PTPRN2: variants seen among roughly 807,000 people sequenced by gnomAD.
PTPRN2 encodes the protein receptor-type tyrosine-protein phosphatase N2.
PTPRN2 carries 74 observed loss-of-function variants against 118.8 expected under a neutral mutation model. That is an observed-to-expected ratio of 0.62 (90% CI 0.52 to 0.76). The LOEUF is 0.76. PTPRN2 is among the 30% of genes least tolerant of loss of function. PTPRN2 has a pLI of 0.00. For synonymous variants in PTPRN2, 641 were observed against 608.0 expected, an observed-to-expected ratio of 1.05 and a Z score of -0.80; for missense variants, 1,481 against 1,394.4, an observed-to-expected ratio of 1.06 and a Z score of -0.99.
intron 2 of PTPRN2, among the ~76,000 whole-genome samples, chr7:158,405,046 C>A (rs1277275028): frequency 1.0e-4 from 15 of 148,748 alleles, no homozygotes; most frequent in African/African-American, 3.7e-4. Context: ...GCCCCCAGCT[C>A]CCCGGCCCCC....
intron 14 of PTPRN2, among the ~76,000 whole-genome samples, chr7:157,633,526 A>T (rs1455650558): frequency 1.3e-5 from 2 of 152,232 alleles, no homozygotes; most frequent in African/African-American, 4.8e-5. Flanking sequence ...AACAGTGAGT[A>T]GTAAGAAGAT....
chr7:158,395,585 C>CAGGGGTG (rs1486078210), intron 2 of PTPRN2, among the ~76,000 whole-genome samples: 2 of 7,128 alleles, frequency 2.8e-4, no homozygotes, highest in Non-Finnish European at 5.9e-4. Context: ...CGCGAGGGGC[C>CAGGGGTG]AGGGGTGAGG....
intron 14 of PTPRN2, among the ~76,000 whole-genome samples, chr7:157,642,298 GC>G (rs1266580037): frequency 9.9e-5 from 15 of 152,208 alleles, no homozygotes; most frequent in Non-Finnish European, 2.9e-5. Flanking sequence ...GGTAAGCAGA[GC>G]CCACCTGACG....
intron 11 of PTPRN2, among the ~76,000 whole-genome samples, chr7:158,046,449 C>A (rs972479860): frequency 6.7e-6 from 1 of 150,348 alleles, no homozygotes; most frequent in Non-Finnish European, 1.5e-5. Context: ...CCTGACGCTG[C>A]GATCCTGGCA....
intron 11 of PTPRN2, among the ~76,000 whole-genome samples, chr7:158,077,664 G>A (rs536285255): frequency 2.6e-5 from 4 of 152,240 alleles, no homozygotes; most frequent in African/African-American, 4.8e-5. Flanking sequence ...GGAAACGGCC[G>A]AGCATGGGAG....
intron 12 of PTPRN2, chr7:157,863,744 G>C (rs1810415251): frequency 6.6e-6 from 1 of 152,116 alleles, no homozygotes; most frequent in Non-Finnish European, 1.5e-5. Context: ...TGGCGACCCT[G>C]ACCCAGCAGG....
chr7:158,232,097 G>A (rs934749282), intron 3 of PTPRN2, among the ~76,000 whole-genome samples: 1 of 151,762 alleles, frequency 6.6e-6, no homozygotes, highest in East Asian at 1.9e-4. Flanking sequence ...TGAGTAGAAG[G>A]AAAGAAATAA....
At chr7:158,586,275 C>T (rs980354683) in intron 1 of PTPRN2, among the ~76,000 whole-genome samples, 4 of 152,250 alleles carry the variant, frequency 2.6e-5, no homozygotes, top group Non-Finnish European at 5.9e-5. Context: ...GGAGCGTCAA[C>T]TCAGGAGTCC....
At chr7:157,722,770 C>T (rs1043317176) in intron 12 of PTPRN2, among the ~76,000 whole-genome samples, 6 of 151,884 alleles carry the variant, frequency 4.0e-5, no homozygotes, top group East Asian at 1.9e-4. Flanking sequence ...GCAGCAGGGG[C>T]CCAGTCTGTC....
At chr7:157,565,399 C>T (rs1799434326) in intron 21 of PTPRN2, among the ~76,000 whole-genome samples, 1 of 152,240 alleles carries the variant, frequency 6.6e-6, no homozygotes, top group Non-Finnish European at 1.5e-5. Context: ...ATGAGTCACC[C>T]CAGACTCACT....
At chr7:158,553,178 C>T (rs989122839) in intron 1 of PTPRN2, among the ~76,000 whole-genome samples, 2 of 151,232 alleles carry the variant, frequency 1.3e-5, no homozygotes, top group African/African-American at 4.9e-5. Flanking sequence ...TACACACATA[C>T]AGGCTTGGGA....
chr7:157,747,347 G>C (rs13241075), intron 12 of PTPRN2, among the ~76,000 whole-genome samples: 406 of 84,484 alleles, frequency 4.8e-3, no homozygotes, highest in African/African-American at 0.016. Context: ...GAGCTGTGGG[G>C]TGTCCGGGTG....
At chr7:157,654,328 G>A (rs868624797) in intron 14 of PTPRN2, among the ~76,000 whole-genome samples, 1 of 145,322 alleles carries the variant, frequency 6.9e-6, no homozygotes, top group Non-Finnish European at 1.5e-5. Context: ...CACTGTGCCC[G>A]CCGCTCCCCA....
At chr7:158,192,184 C>A in intron 5 of PTPRN2, 143 bp downstream of exon 5, 1 of 1,008,570 alleles carries the variant, frequency 9.9e-7, no homozygotes, top group Non-Finnish European at 1.3e-6. Context: ...CCCAGGAACA[C>A]CGAAGCCCTG....
chr7:157,766,170 C>G (rs1802469133), intron 12 of PTPRN2, among the ~76,000 whole-genome samples: 1 of 148,994 alleles, frequency 6.7e-6, no homozygotes, highest in Non-Finnish European at 1.5e-5. Flanking sequence ...TCCACCATCC[C>G]CCATCTGTCC....
intron 3 of PTPRN2, among the ~76,000 whole-genome samples, chr7:158,244,814 GTGTA>G (rs1410605203): frequency 7.1e-6 from 1 of 141,426 alleles, no homozygotes; most frequent in African/African-American, 2.7e-5. Flanking sequence ...GTGTGAGAGT[GTGTA>G]TGAGTGTGAG....
At chr7:157,685,111 C>G (rs555590765) in intron 12 of PTPRN2, among the ~76,000 whole-genome samples, 113 of 152,060 alleles carry the variant, frequency 7.4e-4, no homozygotes, top group Non-Finnish European at 1.3e-3. Context: ...CCGCGGGTCC[C>G]GCCTGGCCTT....
intron 12 of PTPRN2, among the ~76,000 whole-genome samples, chr7:157,715,070 C>T (rs1015405207): frequency 9.2e-5 from 14 of 152,378 alleles, no homozygotes; most frequent in African/African-American, 2.2e-4. Flanking sequence ...GAGCCCGACG[C>T]GCTTGTCCTG....
At chr7:158,350,468 A>C (rs940875429) in intron 2 of PTPRN2, among the ~76,000 whole-genome samples, 3 of 152,198 alleles carry the variant, frequency 2.0e-5, no homozygotes, top group African/African-American at 4.8e-5. Flanking sequence ...CTGGTGTCTG[A>C]CTGCCGTCTG....
Sources: allele counts gnomAD v4.1 joint callset (sites outside exome capture counted in the v4.1 genomes callset), GRCh38; gene constraint gnomAD v4.1.1; transcripts MANE v1.5; gene names NCBI Gene and HGNC (gene_info 2026-07-23, HGNC 2026-07-21).